Variants in MTHFD1 observed in about 807,000 individuals in gnomAD.
MTHFD1 encodes the protein C-1-tetrahydrofolate synthase, cytoplasmic.
MTHFD1 carries 44 observed loss-of-function variants against 110.3 expected under a neutral mutation model. The observed-to-expected ratio is 0.40, with a 90% confidence interval of 0.31 to 0.51. MTHFD1 has a LOEUF of 0.51. Among genes scored for constraint, MTHFD1 ranks in the 20% least tolerant of loss-of-function variants. MTHFD1 has a pLI of 0.60. For missense variants in MTHFD1, 909 were observed against 1,173.1 expected (o/e 0.77, Z 3.29); for synonymous variants, 402 against 428.8 (o/e 0.94, Z 0.77).
At chr14:64,388,495 G>A (rs1566549743) in intron 1 of MTHFD1, 27 bp downstream of exon 1, 3 of 1,606,472 alleles carry the variant, frequency 1.9e-6, no homozygotes, top group Non-Finnish European at 2.6e-6. Context: ...GTTGTTGAGT[G>A]TGGGGCTGTG....
At chr14:64,429,268 A>ATATATATATATATATATATATC (rs2078141079) in intron 12 of MTHFD1, among the ~76,000 whole-genome samples, 1 of 146,418 alleles carries the variant, frequency 6.8e-6, no homozygotes, top group African/African-American at 2.5e-5. Context: ...AAAAATATAT[A>ATATATATATATATATATATATC]TCTGATTTAC....
rs368389311 is a variant in MTHFD1, at chr14:64,441,049, G to A, written c.1816-336G>A. On this transcript the variant is annotated intron_variant, in intron 18 of 27. Coordinates refer to ENST00000652337, the MANE Select transcript of MTHFD1 (RefSeq NM_005956.4). ...TACTAAAAATACAAAAAAATTAGCCGGGCATAGTGGCGGGTGCCTGTAGTC... is the reference window on the plus strand; with the variant it reads ...TACTAAAAATACAAAAAAATTAGCCAGGCATAGTGGCGGGTGCCTGTAGTC... 1,223 of 349,338 alleles carry A rather than the reference G, an allele frequency of 3.5e-3. 35 individuals carry two copies. The highest frequency in any genetic ancestry group is 0.027 in the South Asian group (1,157 of 42,832). The allele number at this position is 349,338 out of a possible 1,614,324, so 21.6% of individuals were successfully genotyped here. A position where few individuals can be genotyped will look rare whatever the true frequency, so the allele number is the denominator to read the frequency against.
chr14:64,427,596 T>A, intron 12 of MTHFD1, 123 bp downstream of exon 12: 1 of 992,778 alleles, frequency 1.0e-6, no homozygotes, highest in Non-Finnish European at 1.6e-6. Context: ...GGAATGTCAT[T>A]CTCACAAACC....
chr14:64,412,455 T>A lies in MTHFD1; in HGVS notation c.187-17T>A. On this transcript the variant is annotated splice_polypyrimidine_tract_variant and intron_variant, in intron 3 of 27. Coordinates refer to ENST00000652337, the MANE Select transcript of MTHFD1 (RefSeq NM_005956.4). ...AGTTGTCTTGCCATTTACCTGCTTT[T>A]AATGTCTGTTTTGCAGATTGGGATC... 1 of 1,604,642 alleles carries A rather than the reference T, an allele frequency of 6.2e-7. No homozygotes were observed.
chr14:64,389,484 G>A (rs1032336564), intron 1 of MTHFD1, among the ~76,000 whole-genome samples: 36 of 152,212 alleles, frequency 2.4e-4, no homozygotes, highest in African/African-American at 8.4e-4. Flanking sequence ...GAGGTGGGTG[G>A]ATCACCTGAG....
At chr14:64,397,199 G>A in intron 1 of MTHFD1, among the ~76,000 whole-genome samples, 2 of 74,954 alleles carry the variant, frequency 2.7e-5, no homozygotes, top group African/African-American at 1.1e-4. Flanking sequence ...ATAAAAAACA[G>A]TAATCTATTG....
At chr14:64,444,864 G>A in intron 22 of MTHFD1, 130 bp downstream of exon 22, 1 of 915,378 alleles carries the variant, frequency 1.1e-6, no homozygotes, top group Non-Finnish European at 1.8e-6. Flanking sequence ...CAAAAGGCCT[G>A]CAGTGTGCTG....
chr14:64,415,260 G>C, intron 4 of MTHFD1, 98 bp from the exon 5 acceptor site: 4 of 982,920 alleles, frequency 4.1e-6, no homozygotes, highest in Non-Finnish European at 6.5e-6. Flanking sequence ...TAAAGTGTTG[G>C]GGGGAAATAG....
intron 6 of MTHFD1, among the ~76,000 whole-genome samples, chr14:64,415,979 G>A (rs996340492): frequency 1.3e-5 from 2 of 152,216 alleles, no homozygotes; most frequent in African/African-American, 2.4e-5. Context: ...AGCGGCTCAT[G>A]CCTGTTATCC....
rs748890709 is a variant in MTHFD1 at position 64,449,425 on chromosome 14, A to G, written c.2280-20A>G. On this transcript the variant is annotated intron_variant, in intron 23 of 27. Transcript: ENST00000652337. ...CTCCAGCCATTTTCCATGCTTTGAT[A>G]TGAAATGCTTCCTTTATAGGACGGA... is the stretch of plus-strand genomic sequence containing the variant. The G allele has an allele frequency of 1.1e-5, 17 of 1,612,110 alleles. No individual in the cohort carries two copies. The highest frequency in any genetic ancestry group is 1.4e-5 in the Non-Finnish European group (16 of 1,179,778).
chr14:64,399,435 T>C (rs935534817), intron 1 of MTHFD1, among the ~76,000 whole-genome samples: 2 of 151,658 alleles, frequency 1.3e-5, no homozygotes, highest in African/African-American at 4.8e-5. Context: ...TTGAGATGGG[T>C]GGATCACGAA....
chr14:64,419,846 T>C lies in MTHFD1; in HGVS notation c.648T>C (p.Thr216=). 1 of 1,614,040 alleles carries C rather than the reference T, an allele frequency of 6.2e-7. No individual in the cohort carries two copies. Among genetic ancestry groups the C allele is most frequent in the South Asian group, 1.1e-5 (1 of 91,074 alleles). Residue 216 remains threonine (T), a synonymous_variant, in exon 8 of 28, where the codon ACT becomes ACC. Coordinates refer to ENST00000652337, the MANE Select transcript of MTHFD1 (RefSeq NM_005956.4). The part of the protein sequence containing the change: ...VNKGDILVVA[T]GQPEMVKGEW... ...AAGGTGACATCCTGGTGGTTGCAAC[T>C]GGTCAGCCTGAAATGGTTAAAGGGG...
At chr14:64,396,965 C>T (rs1245788734) in intron 1 of MTHFD1, among the ~76,000 whole-genome samples, 2 of 145,370 alleles carry the variant, frequency 1.4e-5, no homozygotes, top group African/African-American at 5.1e-5. Context: ...ATTAGCTGGG[C>T]GTGGTGGCGG....
At chr14:64,423,480 C>T (rs770217592) in intron 8 of MTHFD1, among the ~76,000 whole-genome samples, 17 of 151,924 alleles carry the variant, frequency 1.1e-4, no homozygotes, top group Non-Finnish European at 5.9e-5. Flanking sequence ...CTGCAGCCTC[C>T]GCCTCCCGGG....
chr14:64,447,369 T>C (rs936148253), intron 22 of MTHFD1, among the ~76,000 whole-genome samples: 3 of 151,728 alleles, frequency 2.0e-5, no homozygotes, highest in African/African-American at 7.3e-5. Flanking sequence ...TTGGCCAGTA[T>C]AGTCTTAATC....
chr14:64,450,114 C>T (rs1479321975), intron 24 of MTHFD1, among the ~76,000 whole-genome samples: 1 of 152,166 alleles, frequency 6.6e-6, no homozygotes, highest in East Asian at 1.9e-4. Context: ...TAAACATATG[C>T]CACTGCTTAC....
intron 10 of MTHFD1, 70 bp from the exon 11 acceptor site, chr14:64,425,949 C>A: frequency 6.3e-7 from 1 of 1,596,994 alleles, no homozygotes; most frequent in East Asian, 2.2e-5. Context: ...GGGTTGGGGG[C>A]TTGTTACTAC....
intron 15 of MTHFD1, among the ~76,000 whole-genome samples, chr14:64,432,782 G>A (rs547301281): frequency 1.6e-4 from 25 of 152,268 alleles, no homozygotes; most frequent in African/African-American, 4.3e-4. Context: ...TTGAGACAGC[G>A]TCTCTCTCTG....
intron 4 of MTHFD1, 66 bp downstream of exon 4, chr14:64,412,591 CG>C: frequency 8.1e-7 from 1 of 1,239,818 alleles, no homozygotes; most frequent in Non-Finnish European, 1.2e-6. Flanking sequence ...TTTTGGTTTA[CG>C]GGGGCTTTGG....
Sources: gnomAD v4.1 joint callset for allele counts (sites outside exome capture counted in the v4.1 genomes callset) on GRCh38, gnomAD v4.1.1 for gene constraint, MANE v1.5 for transcripts, NCBI Gene and HGNC (gene_info 2026-07-23, HGNC 2026-07-21) for gene names.